Variants in GPHN observed in about 807,000 individuals in gnomAD.
GPHN encodes the protein gephyrin.
Under a neutral mutation model 95.5 loss-of-function variants are expected in GPHN, and 17 were observed. That is an observed-to-expected ratio of 0.18 (90% CI 0.12 to 0.27). GPHN has a LOEUF of 0.27. GPHN is among the 10% of genes least tolerant of loss of function. The pLI, the probability that GPHN is intolerant of heterozygous loss-of-function variation, is 1.00. For synonymous variants in GPHN, 320 were observed against 322.5 expected (o/e 0.99, Z 0.08); for missense variants, 660 against 978.1 (o/e 0.67, Z 4.34).
intron 5 of GPHN, among the ~76,000 whole-genome samples, chr14:66,906,713 G>A (rs1323689346): frequency 6.6e-6 from 1 of 152,092 alleles, no homozygotes; most frequent in East Asian, 1.9e-4. Flanking sequence ...CTGGTTTCTT[G>A]AGATTTCCTC....
chr14:67,726,121 T>C, the GPHN span: 4 of 1,613,942 alleles, frequency 2.5e-6, no homozygotes, highest in Non-Finnish European at 1.7e-6. Flanking sequence ...AGACAGCTGA[T>C]GGCTTTGAAA....
At chr14:66,613,991 A>C (rs899942706) in intron 1 of GPHN, among the ~76,000 whole-genome samples, 1 of 152,038 alleles carries the variant, frequency 6.6e-6, no homozygotes, top group Non-Finnish European at 1.5e-5. Context: ...TTTATGTCTT[A>C]TCTCTCCCGG....
intron 5 of GPHN, among the ~76,000 whole-genome samples, chr14:66,893,433 T>G (rs941029166): frequency 3.3e-5 from 5 of 152,162 alleles, no homozygotes; most frequent in Non-Finnish European, 5.9e-5. Context: ...ACTGGAAGCA[T>G]TCCCTTTGAA....
intron 2 of GPHN, among the ~76,000 whole-genome samples, chr14:66,771,836 TG>T (rs1265362271): frequency 6.6e-6 from 1 of 151,262 alleles, no homozygotes; most frequent in Non-Finnish European, 1.5e-5. Context: ...TTTGGTTTTT[TG>T]ATTGGGTGTC....
chr14:67,518,403 TAGG>T, the GPHN span, among the ~76,000 whole-genome samples: 1 of 152,168 alleles, frequency 6.6e-6, no homozygotes, highest in Non-Finnish European at 1.5e-5. Context: ...TAAGAGTAAG[TAGG>T]AGAATGCATA....
intron 17 of GPHN, among the ~76,000 whole-genome samples, chr14:67,134,985 A>C (rs1351873954): frequency 3.2e-5 from 1 of 31,222 alleles, no homozygotes; most frequent in African/African-American, 1.4e-4. Flanking sequence ...TTTTTGACAG[A>C]GTCTTACTCT....
chr14:67,129,832 G>A (rs2079584349), intron 17 of GPHN, among the ~76,000 whole-genome samples: 3 of 146,212 alleles, frequency 2.1e-5, no homozygotes, highest in African/African-American at 7.4e-5. Context: ...GGAAGGGAGA[G>A]GGAGGGAGGA....
At chr14:67,732,712 G>A in the GPHN span, among the ~76,000 whole-genome samples, 90 of 152,216 alleles carry the variant, frequency 5.9e-4, no homozygotes, top group African/African-American at 2.0e-3. Flanking sequence ...AAGTAGCTGG[G>A]ATTACGGGTG....
chr14:67,550,514 G>C, the GPHN span, among the ~76,000 whole-genome samples: 1 of 152,218 alleles, frequency 6.6e-6, no homozygotes, highest in Non-Finnish European at 1.5e-5. Context: ...GATAACAAGA[G>C]TTAGAACAAT....
the GPHN span, chr14:67,648,349 T>C: frequency 1.5e-6 from 1 of 660,380 alleles, no homozygotes; most frequent in Non-Finnish European, 2.4e-6. Context: ...AAGGATATAG[T>C]CCTTTAGAGT....
intron 4 of GPHN, among the ~76,000 whole-genome samples, chr14:66,849,985 T>C (rs113239555): frequency 5.3e-4 from 80 of 152,262 alleles, no homozygotes; most frequent in African/African-American, 1.7e-3. Context: ...ATTAAGTTAA[T>C]AAAATACAAA....
At chr14:67,729,122 T>G in the GPHN span, 22 of 1,489,432 alleles carry the variant, frequency 1.5e-5, no homozygotes, top group African/African-American at 2.8e-4. Flanking sequence ...TGTATTTTGC[T>G]GCAGGAGATA....
At chr14:66,929,387 A>G (rs1276338298) in intron 8 of GPHN, among the ~76,000 whole-genome samples, 4 of 152,106 alleles carry the variant, frequency 2.6e-5, no homozygotes, top group South Asian at 2.1e-4. Context: ...AATCTGTCCA[A>G]TGTTTAAAGT....
chr14:66,869,882 C>G (rs1228055063), intron 4 of GPHN, among the ~76,000 whole-genome samples: 3 of 152,188 alleles, frequency 2.0e-5, no homozygotes, highest in Non-Finnish European at 2.9e-5. Flanking sequence ...TTCTAATTCA[C>G]ATAGCAAAAC....
chr14:67,441,677 T>C, the GPHN span, among the ~76,000 whole-genome samples: 18 of 152,232 alleles, frequency 1.2e-4, no homozygotes, highest in South Asian at 3.5e-3. Flanking sequence ...GCCCTCTCCA[T>C]GGTGGGCGGG....
At chr14:66,923,626 ACCTACTAAAGTCAACCTAGTATG>A (rs2066332077) in intron 7 of GPHN, among the ~76,000 whole-genome samples, 1 of 152,168 alleles carries the variant, frequency 6.6e-6, no homozygotes. Context: ...TATTCTTCAT[ACCTACTAAAGTCAACCTAGTATG>A]CCTTAATATC....
chr14:67,087,498 C>G (rs1410517587), intron 11 of GPHN, among the ~76,000 whole-genome samples: 2 of 152,110 alleles, frequency 1.3e-5, no homozygotes, highest in African/African-American at 4.8e-5. Flanking sequence ...CATAGTATGG[C>G]CCAAACCTCC....
chr14:67,189,222 C>A, the GPHN span, among the ~76,000 whole-genome samples: 1 of 152,178 alleles, frequency 6.6e-6, no homozygotes, highest in Admixed American at 6.6e-5. Context: ...CTGAAAACTT[C>A]ACACCACCAC....
intron 18 of GPHN, among the ~76,000 whole-genome samples, chr14:67,148,359 C>T (rs780123806): frequency 1.1e-4 from 16 of 152,136 alleles, no homozygotes; most frequent in Non-Finnish European, 4.4e-5. Flanking sequence ...TTCTCAGCTT[C>T]ACTTCAAACA....
Sources: allele counts gnomAD v4.1 joint callset (sites outside exome capture counted in the v4.1 genomes callset), GRCh38; gene constraint gnomAD v4.1.1; transcripts MANE v1.5; gene names NCBI Gene and HGNC (gene_info 2026-07-23, HGNC 2026-07-21).